Variants in MYO3B observed in about 807,000 individuals in gnomAD.
MYO3B encodes myosin IIIB.
Under a neutral mutation model 174.6 loss-of-function variants are expected in MYO3B, and 156 were observed. That is an observed-to-expected ratio of 0.89 (90% CI 0.78 to 1.02). The LOEUF (loss-of-function observed/expected upper bound fraction) is 1.02, where lower values mean the gene tolerates loss of function less well. Among genes scored for constraint, MYO3B ranks in the 50% least tolerant of loss-of-function variants. The pLI, the probability that MYO3B is intolerant of heterozygous loss-of-function variation, is 0.00. For missense variants in MYO3B, 1,632 were observed against 1,639.4 expected, an observed-to-expected ratio of 1.00 and a Z score of 0.08; for synonymous variants, 563 against 569.1, an observed-to-expected ratio of 0.99 and a Z score of 0.15.
intron 20 of MYO3B, among the ~76,000 whole-genome samples, chr2:170,404,829 A>T (rs991681962): frequency 3.9e-5 from 6 of 152,246 alleles, no homozygotes; most frequent in African/African-American, 1.4e-4. Flanking sequence ...TCTACCCTGG[A>T]CATCCCAGCT....
At chr2:170,272,455 TCTCATCAC>T (rs1451026591) in intron 7 of MYO3B, among the ~76,000 whole-genome samples, 1 of 152,188 alleles carries the variant, frequency 6.6e-6, no homozygotes, top group Non-Finnish European at 1.5e-5. Flanking sequence ...TTGATTTTTG[TCTCATCAC>T]CAGTGGAATA....
At chr2:170,355,411 G>T (rs1320741786) in intron 8 of MYO3B, among the ~76,000 whole-genome samples, 1 of 152,204 alleles carries the variant, frequency 6.6e-6, no homozygotes, top group African/African-American at 2.4e-5. Flanking sequence ...TAAGGGAAGG[G>T]TACAAAATGT....
chr2:170,339,676 G>A (rs6758563), intron 8 of MYO3B, among the ~76,000 whole-genome samples: 17,316 of 152,220 alleles, frequency 0.11, 2,356 homozygotes, highest in African/African-American at 0.33. Context: ...CTAAAAGTCT[G>A]AAATACTATT....
intron 8 of MYO3B, among the ~76,000 whole-genome samples, chr2:170,351,889 G>T (rs753720223): frequency 2.6e-5 from 4 of 152,216 alleles, no homozygotes; most frequent in Non-Finnish European, 5.9e-5. Context: ...TAATCATACA[G>T]TTGGGGCAGG....
intron 32 of MYO3B, among the ~76,000 whole-genome samples, chr2:170,580,040 A>G (rs1292362885): frequency 2.6e-5 from 4 of 152,148 alleles, no homozygotes; most frequent in Non-Finnish European, 5.9e-5. Flanking sequence ...TTGTTGATCA[A>G]CCGTGCTAGA....
At chr2:170,645,937 A>G (rs1698333663) in intron 32 of MYO3B, among the ~76,000 whole-genome samples, 1 of 152,176 alleles carries the variant, frequency 6.6e-6, no homozygotes, top group South Asian at 2.1e-4. Flanking sequence ...TTTCTTCTCG[A>G]TTATTAAATA....
Position 170,214,398 on chromosome 2 carries a change from T to C in MYO3B, c.341T>C (p.Val114Ala). The change falls in exon 4 of 35, where the codon GTC becomes GCC. Residue 114 changes from valine (V) to alanine (A), a missense_variant. Transcript: ENST00000408978. ...LVLELCNGGS[V>A]TELVKGLLRC... is the part of the protein sequence containing the mutation. ...TTGCAGCTGTGTAATGGGGGCTCAG[T>C]CACTGAGCTTGTCAAAGGTCTACTC... is the stretch of plus-strand genomic sequence containing the variant. 6.2e-7 allele frequency: 1 copy of C among 1,614,148 alleles called. No homozygotes were observed. The highest frequency in any genetic ancestry group is 8.5e-7 in the Non-Finnish European group (1 of 1,179,990).
At chr2:170,583,743 G>C (rs1333659118) in intron 32 of MYO3B, among the ~76,000 whole-genome samples, 1 of 151,914 alleles carries the variant, frequency 6.6e-6, no homozygotes, top group Non-Finnish European at 1.5e-5. Context: ...TATCTAAAAG[G>C]TACTCTTCCT....
chr2:170,561,673 C>A (rs533290850), intron 32 of MYO3B, among the ~76,000 whole-genome samples: 4 of 152,164 alleles, frequency 2.6e-5, no homozygotes, highest in East Asian at 1.9e-4. Context: ...GTTTGGGAAG[C>A]TTGATCGAAG....
chr2:170,594,036 C>T, intron 32 of MYO3B, among the ~76,000 whole-genome samples: 1 of 152,190 alleles, frequency 6.6e-6, no homozygotes, highest in East Asian at 1.9e-4. Flanking sequence ...TATACCCTAA[C>T]ATACACACTG....
Position 170,654,409 on chromosome 2 carries a change from G to A in MYO3B, c.*1288G>A, listed in dbSNP as rs1052389824. ...TCCCAGCACTTTGGGAGGCCAAGATGGGCGGATCATGAAGTCAGGAGTTCG... is the reference window on the plus strand; with the variant it reads ...TCCCAGCACTTTGGGAGGCCAAGATAGGCGGATCATGAAGTCAGGAGTTCG... On this transcript the variant is annotated 3_prime_UTR_variant, in exon 35 of 35. Transcript: ENST00000408978. The A allele has an allele frequency of 1.3e-5, 2 of 152,054 alleles. No homozygotes were observed. The highest frequency in any genetic ancestry group is 1.9e-4 in the East Asian group (1 of 5,192). The allele number at this position is 152,054 out of a possible 1,614,324, so 9.4% of individuals were successfully genotyped here. A position where few individuals can be genotyped will look rare whatever the true frequency, so the allele number is the denominator to read the frequency against.
At chr2:170,467,943 A>G (rs1055295329) in intron 25 of MYO3B, among the ~76,000 whole-genome samples, 1 of 152,144 alleles carries the variant, frequency 6.6e-6, no homozygotes, top group Non-Finnish European at 1.5e-5. Flanking sequence ...AACAAGAAAA[A>G]AAATTTAGCA....
intron 3 of MYO3B, among the ~76,000 whole-genome samples, chr2:170,212,572 AC>A (rs1017088444): frequency 2.0e-5 from 3 of 152,148 alleles, no homozygotes; most frequent in African/African-American, 7.2e-5. Flanking sequence ...TTGTCACTTG[AC>A]CAGGAAAGAT....
intron 7 of MYO3B, among the ~76,000 whole-genome samples, chr2:170,313,386 A>T (rs534772749): frequency 6.6e-6 from 1 of 152,282 alleles, no homozygotes; most frequent in South Asian, 2.1e-4. Flanking sequence ...TAAAAAAAAT[A>T]AATAAATAAA....
chr2:170,207,089 T>C (rs1337557831), intron 3 of MYO3B, among the ~76,000 whole-genome samples: 1 of 152,182 alleles, frequency 6.6e-6, no homozygotes, highest in Admixed American at 6.6e-5. Flanking sequence ...CACCCCTTGT[T>C]ATCAAGAGGT....
At chr2:170,615,368 C>G (rs1695389627) in intron 32 of MYO3B, among the ~76,000 whole-genome samples, 1 of 152,198 alleles carries the variant, frequency 6.6e-6, no homozygotes, top group Admixed American at 6.5e-5. Context: ...AAGGTGACAC[C>G]TACAAGTCAG....
intron 32 of MYO3B, among the ~76,000 whole-genome samples, chr2:170,648,989 T>C (rs1223269370): frequency 1.1e-5 from 1 of 89,364 alleles, no homozygotes; most frequent in Non-Finnish European, 1.9e-5. Context: ...TAATATATAA[T>C]GTATAATATA....
chr2:170,620,755 C>A (rs866775554), intron 32 of MYO3B, among the ~76,000 whole-genome samples: 1 of 152,226 alleles, frequency 6.6e-6, no homozygotes, highest in South Asian at 2.1e-4. Context: ...AGTCTCGTAA[C>A]AGGCTGCAGC....
At chr2:170,569,157 C>A (rs922180342) in intron 32 of MYO3B, among the ~76,000 whole-genome samples, 1 of 152,100 alleles carries the variant, frequency 6.6e-6, no homozygotes, top group Admixed American at 6.6e-5. Flanking sequence ...TTTCCTATTA[C>A]CAAGGACCTC....
Sources: allele counts gnomAD v4.1 joint callset (sites outside exome capture counted in the v4.1 genomes callset), GRCh38; gene constraint gnomAD v4.1.1; transcripts MANE v1.5; gene names NCBI Gene and HGNC (gene_info 2026-07-23, HGNC 2026-07-21).